The following DLGAP1 variants were observed in gnomAD, a reference collection of about 807,000 sequenced individuals.
The protein encoded by DLGAP1 is DLG associated protein 1.
DLGAP1 carries 11 observed loss-of-function variants against 90.8 expected under a neutral mutation model. The ratio of observed to expected loss-of-function variants is 0.12; its 90% confidence interval spans 0.08 to 0.20. The LOEUF is 0.20. Ranked by LOEUF, DLGAP1 falls within the 10% of genes least tolerant of loss-of-function variation. DLGAP1 has a pLI of 1.00. For synonymous variants in DLGAP1, 558 were observed against 540.7 expected (o/e 1.03, Z -0.44); for missense variants, 1,050 against 1,333.8 (o/e 0.79, Z 3.31).
At chr18:4,136,024 C>A (rs530858746) in intron 2 of DLGAP1, among the ~76,000 whole-genome samples, 1 of 151,858 alleles carries the variant, frequency 6.6e-6, no homozygotes, top group South Asian at 2.1e-4. Flanking sequence ...CCCCTCCCCC[C>A]ACCTCATGAC....
intron 4 of DLGAP1, among the ~76,000 whole-genome samples, chr18:3,875,891 T>C (rs2070988655): frequency 2.0e-5 from 3 of 152,128 alleles, no homozygotes; most frequent in Non-Finnish European, 4.4e-5. Flanking sequence ...ATGTTACTAG[T>C]TAGCAGCAAA....
At chr18:3,676,713 T>C (rs1035139156) in intron 7 of DLGAP1, among the ~76,000 whole-genome samples, 2 of 151,828 alleles carry the variant, frequency 1.3e-5, no homozygotes, top group African/African-American at 4.8e-5. Flanking sequence ...TTAGAAGAAA[T>C]TGTGAGGTCA....
chr18:3,876,936 T>C (rs1007779204), intron 4 of DLGAP1, among the ~76,000 whole-genome samples: 2 of 152,198 alleles, frequency 1.3e-5, no homozygotes, highest in Admixed American at 1.3e-4. Flanking sequence ...ATTTTCTTCT[T>C]GCTCACCATT....
chr18:4,235,325 G>C (rs2078385183), intron 1 of DLGAP1, among the ~76,000 whole-genome samples: 2 of 152,114 alleles, frequency 1.3e-5, no homozygotes, highest in South Asian at 2.1e-4. Flanking sequence ...GAGAAAACTG[G>C]GGAAGCACTG....
intron 1 of DLGAP1, among the ~76,000 whole-genome samples, chr18:4,173,970 G>C (rs1203964040): frequency 6.6e-6 from 1 of 152,060 alleles, no homozygotes; most frequent in African/African-American, 2.4e-5. Context: ...ATTTACATAA[G>C]TTCCACCTTC....
At chr18:4,063,955 G>A (rs887726286) in intron 2 of DLGAP1, among the ~76,000 whole-genome samples, 8 of 151,902 alleles carry the variant, frequency 5.3e-5, no homozygotes, top group Non-Finnish European at 1.0e-4. Context: ...ATCTTTAAGG[G>A]GCTGAGAGCC....
chr18:3,790,248 T>C (rs925503487), intron 5 of DLGAP1, among the ~76,000 whole-genome samples: 19 of 149,716 alleles, frequency 1.3e-4, no homozygotes, highest in African/African-American at 4.1e-4. Flanking sequence ...TCTTCCTAAG[T>C]CTTTGCTTCT....
intron 3 of DLGAP1, among the ~76,000 whole-genome samples, chr18:3,980,829 C>A (rs978570674): frequency 6.6e-6 from 1 of 152,132 alleles, no homozygotes; most frequent in African/African-American, 2.4e-5. Context: ...TATTCATATA[C>A]ATATATCAAG....
intron 5 of DLGAP1, among the ~76,000 whole-genome samples, chr18:3,750,221 G>A (rs972759185): frequency 6.6e-6 from 1 of 152,180 alleles, no homozygotes; most frequent in African/African-American, 2.4e-5. Context: ...GACAACATGT[G>A]GCATTTGGTT....
chr18:3,701,384 C>T (rs1244049114), intron 7 of DLGAP1, among the ~76,000 whole-genome samples: 4 of 152,264 alleles, frequency 2.6e-5, no homozygotes, highest in Admixed American at 6.5e-5. Context: ...AAAGCAATCA[C>T]GTCCCTCCCT....
At chr18:3,986,891 C>T (rs553666283) in intron 3 of DLGAP1, among the ~76,000 whole-genome samples, 25 of 152,186 alleles carry the variant, frequency 1.6e-4, no homozygotes, top group Middle Eastern at 3.4e-3. Flanking sequence ...ATACTGGACC[C>T]TTCAATGGTG....
intron 7 of DLGAP1, among the ~76,000 whole-genome samples, chr18:3,595,360 T>C (rs1444970543): frequency 6.6e-6 from 1 of 152,216 alleles, no homozygotes; most frequent in South Asian, 2.1e-4. Context: ...GGTCTAAAAC[T>C]TCTAATCTGG....
chr18:4,329,247 T>C (rs1351614611), intron 1 of DLGAP1, among the ~76,000 whole-genome samples: 1 of 152,008 alleles, frequency 6.6e-6, no homozygotes, highest in Non-Finnish European at 1.5e-5. Flanking sequence ...TGTTCCAGCA[T>C]CATTTTTTGA....
chr18:4,173,870 A>AT (rs1307442762), intron 1 of DLGAP1, among the ~76,000 whole-genome samples: 2 of 152,098 alleles, frequency 1.3e-5, no homozygotes, highest in East Asian at 1.9e-4. Flanking sequence ...TTGACCCATT[A>AT]TTGCACCCGG....
intron 5 of DLGAP1, among the ~76,000 whole-genome samples, chr18:3,800,762 C>G (rs2066251327): frequency 6.6e-6 from 1 of 150,998 alleles, no homozygotes; most frequent in Non-Finnish European, 1.5e-5. Context: ...CCCATTATTT[C>G]TAAATAAAAA....
intron 7 of DLGAP1, among the ~76,000 whole-genome samples, chr18:3,719,985 T>G (rs2061915147): frequency 6.6e-6 from 1 of 152,236 alleles, no homozygotes; most frequent in African/African-American, 2.4e-5. Flanking sequence ...AGAGACAGGA[T>G]GGCAGTCTTA....
chr18:3,586,667 C>G (rs1275866113), intron 7 of DLGAP1, among the ~76,000 whole-genome samples: 1 of 152,170 alleles, frequency 6.6e-6, no homozygotes, highest in Non-Finnish European at 1.5e-5. Flanking sequence ...CAAATCACAA[C>G]TCACACTTCC....
At chr18:4,139,697 C>T (rs188642095) in intron 2 of DLGAP1, among the ~76,000 whole-genome samples, 19 of 151,950 alleles carry the variant, frequency 1.3e-4, no homozygotes, top group Non-Finnish European at 3.0e-5. Context: ...ATGATCTGTC[C>T]AATGCTGAAA....
intron 2 of DLGAP1, among the ~76,000 whole-genome samples, chr18:4,117,038 T>A (rs1015401049): frequency 4.6e-5 from 7 of 152,182 alleles, no homozygotes; most frequent in African/African-American, 1.4e-4. Context: ...AATGAGGTCA[T>A]ATGAGTGGGC....
Sources: gnomAD v4.1 joint callset for allele counts (sites outside exome capture counted in the v4.1 genomes callset) on GRCh38, gnomAD v4.1.1 for gene constraint, MANE v1.5 for transcripts, NCBI Gene and HGNC (gene_info 2026-07-23, HGNC 2026-07-21) for gene names.